Variants in CFAP53 observed in about 807,000 individuals in gnomAD.
The protein encoded by CFAP53 is cilia and flagella associated protein 53, also known as cilia- and flagella-associated protein 53.
A neutral mutation model predicts 59.7 loss-of-function variants in CFAP53; 62 were observed. That is an observed-to-expected ratio of 1.04 (90% CI 0.85 to 1.28). CFAP53 has a LOEUF of 1.28. Among genes scored for constraint, CFAP53 ranks in the 50% most tolerant of loss-of-function variants. The pLI, the probability that CFAP53 is intolerant of heterozygous loss-of-function variation, is 0.00. For synonymous variants in CFAP53, 218 were observed against 205.7 expected, an observed-to-expected ratio of 1.06 and a Z score of -0.51; for missense variants, 629 against 615.6, an observed-to-expected ratio of 1.02 and a Z score of -0.23.
rs202140882 is a variant in CFAP53 at position 50,227,515 on chromosome 18, G to C, written c.1411C>G (p.Arg471Gly). 5 of 1,614,100 alleles carry C rather than the reference G, an allele frequency of 3.1e-6. No homozygotes were observed. Among genetic ancestry groups the C allele is most frequent in the Non-Finnish European group, 4.2e-6 (5 of 1,180,008 alleles). The change falls in exon 8 of 8, where the codon CGA becomes GGA. Residue 471 changes from arginine to glycine, a missense_variant. Coordinates refer to ENST00000398545, the MANE Select transcript of CFAP53 (RefSeq NM_145020.5). ...GCTGCTACACCTGCTTCAAACTCTC[G>C]GCGTTTCTCTTCCTTCTCTGCTTCT... is the stretch of plus-strand genomic sequence containing the variant. Reference protein sequence around the residue: ...SQEAEKEEKRREFEAGVAANK... With the variant: ...SQEAEKEEKRGEFEAGVAANK...
chr18:50,234,863 T>C (rs767129918), intron 7 of CFAP53, among the ~76,000 whole-genome samples: 23 of 152,236 alleles, frequency 1.5e-4, no homozygotes, highest in Non-Finnish European at 2.8e-4. Flanking sequence ...GTCTAGGACA[T>C]TCTGTTGCCC....
intron 3 of CFAP53, chr18:50,256,338 G>A (rs1239358278): frequency 2.0e-5 from 3 of 152,130 alleles, no homozygotes; most frequent in Non-Finnish European, 4.4e-5. Context: ...TCCCACTGAG[G>A]ACAGGGTATG....
rs750494377 is a variant in CFAP53, at chr18:50,266,352, G to T, written c.53C>A (p.Pro18His). 1.2e-6 allele frequency: 2 copies of T among 1,614,258 alleles called. No homozygotes were observed. The highest frequency in any genetic ancestry group is 8.5e-7 in the Non-Finnish European group (1 of 1,180,034). ...TGTGCTTACCACGATCACCACTTTG[G>T]GGGTGGGGCCCTTAACCTCCCGCTG... is the stretch of plus-strand genomic sequence containing the variant. ...TVQREVKGPTPKVVIVRSKPP... is the reference protein window; with the variant it reads ...TVQREVKGPTHKVVIVRSKPP... The change falls in exon 1 of 8, where the codon CCC (proline) becomes CAC (histidine). Residue 18 changes from proline to histidine, a missense_variant. Coordinates refer to ENST00000398545, the MANE Select transcript of CFAP53 (RefSeq NM_145020.5).
intron 7 of CFAP53, among the ~76,000 whole-genome samples, chr18:50,234,369 T>C (rs1345379485): frequency 6.6e-6 from 1 of 152,246 alleles, no homozygotes; most frequent in Admixed American, 6.5e-5. Context: ...ATCTCATTAA[T>C]GTTTAAAACT....
intron 5 of CFAP53, among the ~76,000 whole-genome samples, chr18:50,247,497 AT>A (rs1218397391): frequency 6.6e-6 from 1 of 152,250 alleles, no homozygotes; most frequent in Non-Finnish European, 1.5e-5. Context: ...CCACACAAAA[AT>A]GTGTACATGA....
chr18:50,265,240 A>G (rs2033934579), intron 1 of CFAP53, among the ~76,000 whole-genome samples: 1 of 152,234 alleles, frequency 6.6e-6, no homozygotes, highest in Non-Finnish European at 1.5e-5. Context: ...TGATGACATA[A>G]GTGGAAAATT....
At chr18:50,255,635 T>G (rs962537137) in intron 3 of CFAP53, among the ~76,000 whole-genome samples, 3 of 152,108 alleles carry the variant, frequency 2.0e-5, no homozygotes, top group Non-Finnish European at 4.4e-5. Context: ...TTCATTATTA[T>G]TGCTGAAAAT....
At chr18:50,257,953 C>G (rs944345974) in intron 3 of CFAP53, among the ~76,000 whole-genome samples, 9 of 152,118 alleles carry the variant, frequency 5.9e-5, no homozygotes, top group African/African-American at 2.2e-4. Context: ...CTGCTTGAAC[C>G]TAACCTGGGA....
At chr18:50,230,021 G>T (rs192191336) in intron 7 of CFAP53, among the ~76,000 whole-genome samples, 228 of 152,282 alleles carry the variant, frequency 1.5e-3, no homozygotes, top group African/African-American at 2.9e-3. Flanking sequence ...GCCTCCCAAA[G>T]TGGTGGGATT....
intron 3 of CFAP53, among the ~76,000 whole-genome samples, chr18:50,256,793 T>C (rs1229719960): frequency 6.6e-6 from 1 of 151,928 alleles, no homozygotes; most frequent in African/African-American, 2.4e-5. Flanking sequence ...TTCACATCTG[T>C]TGACCTTTGG....
At chr18:50,252,928 A>T (rs1445497230) in intron 3 of CFAP53, among the ~76,000 whole-genome samples, 1 of 152,120 alleles carries the variant, frequency 6.6e-6, no homozygotes, top group Non-Finnish European at 1.5e-5. Flanking sequence ...AGGCAAGAAG[A>T]CCACTTGAAC....
At chr18:50,246,405 G>A (rs2033745423) in intron 5 of CFAP53, among the ~76,000 whole-genome samples, 1 of 152,096 alleles carries the variant, frequency 6.6e-6, no homozygotes, top group East Asian at 1.9e-4. Context: ...AAATGATGCT[G>A]GAATAACTGG....
chr18:50,262,248 A>C, intron 1 of CFAP53, 29 bp from the exon 2 acceptor site: 2 of 1,564,422 alleles, frequency 1.3e-6, no homozygotes, highest in Non-Finnish European at 1.8e-6. Context: ...TATCACTTAT[A>C]ATAAGCCAAA....
chr18:50,261,811 T>C (rs2033896475), intron 2 of CFAP53, among the ~76,000 whole-genome samples, 179 bp downstream of exon 2: 1 of 152,210 alleles, frequency 6.6e-6, no homozygotes, highest in African/African-American at 2.4e-5. Context: ...TATATTGTTT[T>C]TCATCAAAAT....
chr18:50,231,574 C>T (rs2033584096), intron 7 of CFAP53, among the ~76,000 whole-genome samples: 1 of 152,164 alleles, frequency 6.6e-6, no homozygotes, highest in African/African-American at 2.4e-5. Flanking sequence ...AGGTGAGGGA[C>T]CTGAGTTTAC....
At chr18:50,243,669 T>G (rs2033714399) in intron 5 of CFAP53, among the ~76,000 whole-genome samples, 1 of 152,122 alleles carries the variant, frequency 6.6e-6, no homozygotes, top group African/African-American at 2.4e-5. Flanking sequence ...TATTGACATC[T>G]GGCTGGGCTC....
intron 1 of CFAP53, 127 bp from the exon 2 acceptor site, chr18:50,262,346 T>C (rs1202210581): frequency 1.6e-5 from 11 of 670,714 alleles, no homozygotes; most frequent in Non-Finnish European, 2.6e-5. Context: ...TACATCCTAC[T>C]ACAACTGAAT....
intron 7 of CFAP53, among the ~76,000 whole-genome samples, chr18:50,234,854 T>C (rs563943602): frequency 6.6e-6 from 1 of 152,372 alleles, no homozygotes; most frequent in South Asian, 2.1e-4. Context: ...AGAGGAATGG[T>C]CTAGGACATT....
intron 5 of CFAP53, 110 bp downstream of exon 5, chr18:50,250,648 G>A (rs1329616523): frequency 1.2e-6 from 1 of 814,540 alleles, no homozygotes; most frequent in Non-Finnish European, 2.0e-6. Context: ...TTGGCTTGTG[G>A]ACCACACTCA....
Sources: allele counts gnomAD v4.1 joint callset (sites outside exome capture counted in the v4.1 genomes callset), GRCh38; gene constraint gnomAD v4.1.1; transcripts MANE v1.5; gene names NCBI Gene and HGNC (gene_info 2026-07-23, HGNC 2026-07-21).